The following ALOX12 variants were observed in gnomAD, a reference collection of about 807,000 sequenced individuals.
ALOX12 encodes polyunsaturated fatty acid lipoxygenase ALOX12.
A neutral mutation model predicts 85.5 loss-of-function variants in ALOX12; 62 were observed. The observed-to-expected ratio is 0.73, with a 90% confidence interval of 0.59 to 0.90. The LOEUF (loss-of-function observed/expected upper bound fraction) is 0.90. Ranked by LOEUF, ALOX12 falls within the 40% of genes least tolerant of loss-of-function variation. The probability of loss-of-function intolerance (pLI) is 0.00; values close to 1 mark genes in which losing one functional copy is unlikely to be tolerated. For synonymous variants in ALOX12, 299 were observed against 332.7 expected (o/e 0.90, Z 1.10); for missense variants, 751 against 856.5 (o/e 0.88, Z 1.54).
In ALOX12 at chr17:7,009,938, TAC is replaced by T. The variant is rs1322814843; in HGVS notation, c.1642-16_1642-15del. 2 of 1,613,490 alleles carry T rather than the reference TAC, an allele frequency of 1.2e-6. No homozygotes were observed. On this transcript the variant is annotated splice_polypyrimidine_tract_variant and intron_variant, in intron 12 of 13. Transcript: ENST00000251535. Reference sequence around the variant, plus strand: ...ACCCTAAGTACCAGGGTTCTAGGGTTACAGTTTCTTCCTCCAGCTGGACTGGT... The same window carrying T: ...ACCCTAAGTACCAGGGTTCTAGGGTTAGTTTCTTCCTCCAGCTGGACTGGT...
chr17:7,009,569 G>A (rs1909280587), intron 11 of ALOX12, 178 bp from the exon 12 acceptor site: 1 of 602,654 alleles, frequency 1.7e-6, no homozygotes, highest in Non-Finnish European at 2.9e-6. Flanking sequence ...AGGTTAAGCT[G>A]GCCTATGGTA....
In ALOX12 at chr17:6,996,113, G is replaced by A. The variant is rs1908415010; in HGVS notation, c.-5G>A. 1 of 1,248,316 alleles carries A rather than the reference G, an allele frequency of 8.0e-7. No homozygotes were observed. The highest frequency in any genetic ancestry group is 4.0e-5 in the South Asian group (1 of 24,738). The allele number at this position is 1,248,316 out of a possible 1,614,324, so 77.3% of individuals were successfully genotyped here. ...CTCCCCTCGCCTAAGCTGCTGGGGG[G>A]CGCCATGGGCCGCTACCGCATCCGC... On this transcript the variant is annotated 5_prime_UTR_variant, in exon 1 of 14. Coordinates refer to ENST00000251535, the MANE Select transcript of ALOX12 (RefSeq NM_000697.3).
Position 6,998,557 on chromosome 17 carries a change from A to C in ALOX12, c.386A>C (p.Glu129Ala). The C allele has an allele frequency of 3.7e-6, 6 of 1,614,002 alleles. No individual in the cohort carries two copies. Among genetic ancestry groups the C allele is most frequent in the Non-Finnish European group, 5.1e-6 (6 of 1,179,920 alleles). Residue 129 changes from glutamate to alanine, a missense_variant, in exon 3 of 14, where the codon GAG becomes GCG. By Grantham distance (107) the Glu-to-Ala change is moderately radical (BLOSUM62 -1). Transcript: ENST00000251535. ...NALDMFQKHREKELKDRQQIY... is the reference protein window; with the variant it reads ...NALDMFQKHRAKELKDRQQIY... ...TTGGACATGTTCCAGAAGCATCGAG[A>C]GAAGGAACTGAAAGACAGACAGCAG...
At chr17:7,005,387 A>G in intron 9 of ALOX12, 44 bp downstream of exon 9, 2 of 1,502,176 alleles carry the variant, frequency 1.3e-6, no homozygotes, top group South Asian at 1.1e-5. Flanking sequence ...CCATCTCTCC[A>G]TGATCTGCCA....
Position 6,996,928 on chromosome 17 carries a change from C to G in ALOX12, c.238C>G (p.Arg80Gly). ...GGTGGACGACGCGTGGTTCTGCGAC[C>G]GCATCACGGTGCAGGGCCCTGGAGC... ...WLVDDAWFCD[R>G]ITVQGPGACA... The change falls in exon 2 of 14, where the codon CGC becomes GGC. Residue 80 changes from arginine to glycine, a missense_variant. Arg to Gly is a moderately radical substitution (Grantham distance 125, BLOSUM62 -2). Coordinates refer to ENST00000251535, the MANE Select transcript of ALOX12 (RefSeq NM_000697.3). 1.2e-6 allele frequency: 2 copies of G among 1,610,330 alleles called. No individual in the cohort carries two copies. Among genetic ancestry groups the G allele is most frequent in the Non-Finnish European group, 1.7e-6 (2 of 1,178,432 alleles).
chr17:6,998,978 G>T lies in ALOX12; in HGVS notation c.568G>T (p.Val190Phe). 6.2e-7 allele frequency: 1 copy of T among 1,614,162 alleles called. No individual in the cohort carries two copies. Among genetic ancestry groups the T allele is most frequent in the Non-Finnish European group, 8.5e-7 (1 of 1,180,022 alleles). ...GGCTCTGGAGATGGCCCTCAAACGT[G>T]TTTACACCCTCCTGAGCTCCTGGAA... ...AGALEMALKR[V>F]YTLLSSWNCL... The change falls in exon 5 of 14, where the codon GTT becomes TTT. Residue 190 changes from valine (V) to phenylalanine (F), a missense_variant. Val to Phe is a conservative substitution (Grantham distance 50, BLOSUM62 -1). Coordinates refer to ENST00000251535, the MANE Select transcript of ALOX12 (RefSeq NM_000697.3).
chr17:6,996,542 C>T (rs928552984), intron 1 of ALOX12, among the ~76,000 whole-genome samples: 7 of 152,008 alleles, frequency 4.6e-5, no homozygotes, highest in Admixed American at 4.6e-4. Flanking sequence ...GGCCAGAGGT[C>T]AGACGTGAAG....
In ALOX12 at chr17:6,996,877, G is replaced by C. The variant is rs771903250; in HGVS notation, c.187G>C (p.Val63Leu). ...AGAGGACTTGGGGCTCCTGCAGTTC[G>C]TGAGGCTGCGCAAGCACCACTGGCT... ...VAEDLGLLQF[V>L]RLRKHHWLVD... The change falls in exon 2 of 14, where the codon GTG (valine) becomes CTG (leucine). Residue 63 changes from valine (V) to leucine (L), a missense_variant. Transcript: ENST00000251535. 6 of 1,613,890 alleles carry C rather than the reference G, an allele frequency of 3.7e-6. No individual in the cohort carries two copies. The highest frequency in any genetic ancestry group is 5.1e-6 in the Non-Finnish European group (6 of 1,179,894).
rs762635902 is a variant in ALOX12 at position 6,999,058 on chromosome 17, T to C, written c.646+2T>C. 2 of 1,613,258 alleles carry C rather than the reference T, an allele frequency of 1.2e-6. No individual in the cohort carries two copies. Among genetic ancestry groups the C allele is most frequent in the Non-Finnish European group, 8.5e-7 (1 of 1,179,776 alleles). On this transcript the variant is annotated splice_donor_variant, in intron 5 of 13. Transcript: ENST00000251535. LOFTEE classifies it high-confidence loss of function. ...GGGGCCAGAAGAGTGCCCTGGCTGG[T>C]CAGTGGTTCCCCGAGGTCTCCATAA...
At chr17:6,997,491 C>T (rs529145802) in intron 2 of ALOX12, among the ~76,000 whole-genome samples, 1 of 151,298 alleles carries the variant, frequency 6.6e-6, no homozygotes, top group Non-Finnish European at 1.5e-5. Flanking sequence ...GGAAGACACC[C>T]GTGAAAGACA....
At chr17:7,002,697 G>T in intron 8 of ALOX12, 1 of 304,620 alleles carries the variant, frequency 3.3e-6, no homozygotes. Context: ...CTGGGAGAAG[G>T]CAAAATAAGA....
At chr17:7,005,208 C>T (rs1263554256) in intron 8 of ALOX12, 49 bp from the exon 9 acceptor site, 1 of 1,540,112 alleles carries the variant, frequency 6.5e-7, no homozygotes, top group African/African-American at 1.4e-5. Context: ...CCAGGAAGGA[C>T]CCAAGCATGG....
At chr17:6,998,281 T>C (rs936101498) in intron 2 of ALOX12, among the ~76,000 whole-genome samples, 4 of 152,162 alleles carry the variant, frequency 2.6e-5, no homozygotes, top group Admixed American at 6.5e-5. Flanking sequence ...AGGAGGTTTT[T>C]ATCTACAGGC....
At position 7,000,613 on chromosome 17, in the gene ALOX12, G is replaced by A; in HGVS notation, c.951+134G>A. Reference sequence around the variant, plus strand: ...GAGACTTGTCTTCATGTCACTATTTGCCTGTACCCTCGTCTCCCCTGCCTC... The same window carrying A: ...GAGACTTGTCTTCATGTCACTATTTACCTGTACCCTCGTCTCCCCTGCCTC... On this transcript the variant is annotated intron_variant, in intron 7 of 13. Transcript: ENST00000251535. The surrounding 1 kb of genome is among the most constrained non-coding windows in gnomAD (Gnocchi z 4.6). 9.2e-7 allele frequency: 1 copy of A among 1,084,606 alleles called. No homozygotes were observed. Among genetic ancestry groups the A allele is most frequent in the Non-Finnish European group, 1.3e-6 (1 of 754,020 alleles). 67.2% of individuals were successfully genotyped at this position (1,084,606 alleles called of 1,614,324 possible). A position where few individuals can be genotyped will look rare whatever the true frequency, so the allele number is the denominator to read the frequency against.
intron 8 of ALOX12, among the ~76,000 whole-genome samples, chr17:7,004,179 T>A (rs900286219): frequency 1.4e-5 from 2 of 145,264 alleles, no homozygotes; most frequent in South Asian, 2.1e-4. Flanking sequence ...TTAAATTTAA[T>A]TTTAAATAAA....
At position 7,001,589 on chromosome 17, in the gene ALOX12, C is replaced by A. The variant is rs759913750; in HGVS notation, c.952-13C>A. The A allele has an allele frequency of 5.6e-6, 9 of 1,602,346 alleles. No homozygotes were observed. ...ATACGGAATGGGAGTTCAATAATTT[C>A]TCTTTCTCCCAGATTCAGCCTCCCA... On this transcript the variant is annotated splice_polypyrimidine_tract_variant and intron_variant, in intron 7 of 13. Coordinates refer to ENST00000251535, the MANE Select transcript of ALOX12 (RefSeq NM_000697.3).
intron 5 of ALOX12, 33 bp from the exon 6 acceptor site, chr17:6,999,273 G>C: frequency 6.2e-7 from 1 of 1,613,792 alleles, no homozygotes; most frequent in South Asian, 1.1e-5. Context: ...GCAGGCTGTG[G>C]TACATATATC....
chr17:7,009,209 G>A (rs555925581), intron 11 of ALOX12, among the ~76,000 whole-genome samples: 37 of 151,970 alleles, frequency 2.4e-4, no homozygotes, highest in Non-Finnish European at 4.7e-4. Flanking sequence ...ACAGGTGCCC[G>A]CCACCACACC....
chr17:7,008,833 T>C (rs1367494249), intron 11 of ALOX12, among the ~76,000 whole-genome samples: 17 of 152,132 alleles, frequency 1.1e-4, no homozygotes, highest in Admixed American at 9.8e-4. Context: ...GGAGCCCCTC[T>C]CAGCTGTGAC....
Sources: allele counts gnomAD v4.1 joint callset (sites outside exome capture counted in the v4.1 genomes callset), GRCh38; gene constraint gnomAD v4.1.1; non-coding constraint Gnocchi (gnomAD v3.1); transcripts MANE v1.5; gene names NCBI Gene and HGNC (gene_info 2026-07-23, HGNC 2026-07-21).